Variants in MYRFL observed in about 807,000 individuals in gnomAD.
MYRFL encodes the protein myelin regulatory factor-like protein.
In MYRFL, 88 loss-of-function variants were observed where a neutral mutation model predicts 109.4. That is an observed-to-expected ratio of 0.80 (90% CI 0.68 to 0.96). The LOEUF (loss-of-function observed/expected upper bound fraction) is 0.96, where lower values mean the gene tolerates loss of function less well. MYRFL is among the 40% of genes least tolerant of loss of function. The pLI is 0.00. For missense variants in MYRFL, 957 were observed against 954.9 expected (o/e 1.00, Z -0.03); for synonymous variants, 324 against 320.9 (o/e 1.01, Z -0.10).
At chr12:69,934,110 G>C (rs1955368727) in intron 16 of MYRFL, among the ~76,000 whole-genome samples, 1 of 152,212 alleles carries the variant, frequency 6.6e-6, no homozygotes, top group South Asian at 2.1e-4. Flanking sequence ...GGAATGGGGA[G>C]ATGGAGAGTG....
chr12:69,881,029 C>T (rs78110896), intron 5 of MYRFL, among the ~76,000 whole-genome samples: 2 of 135,138 alleles, frequency 1.5e-5, no homozygotes, highest in South Asian at 4.9e-4. Context: ...AACAAAGTAG[C>T]CTTTTGAAGT....
chr12:69,882,330 C>A (rs1238931604), intron 5 of MYRFL, among the ~76,000 whole-genome samples: 1 of 152,100 alleles, frequency 6.6e-6, no homozygotes, highest in Non-Finnish European at 1.5e-5. Flanking sequence ...AAAAAAAAGA[C>A]ACAAAACAAA....
At chr12:69,857,352 T>A (rs1367406584) in intron 2 of MYRFL, among the ~76,000 whole-genome samples, 3 of 151,924 alleles carry the variant, frequency 2.0e-5, no homozygotes, top group Admixed American at 1.3e-4. Flanking sequence ...TTCTTCTGTT[T>A]CAATATTGTC....
chr12:69,853,510 C>G (rs1324960387), intron 1 of MYRFL, among the ~76,000 whole-genome samples: 1 of 150,724 alleles, frequency 6.6e-6, no homozygotes, highest in Non-Finnish European at 1.5e-5. Flanking sequence ...GCCTCACATC[C>G]CAGACGGGGC....
chr12:69,922,866 T>C (rs1021743324), intron 13 of MYRFL, among the ~76,000 whole-genome samples: 1 of 152,236 alleles, frequency 6.6e-6, no homozygotes, highest in African/African-American at 2.4e-5. Flanking sequence ...ATTGTTTCAT[T>C]AGGTGTTGGA....
chr12:69,849,176 C>T (rs1271910601), intron 1 of MYRFL, among the ~76,000 whole-genome samples: 2 of 152,208 alleles, frequency 1.3e-5, no homozygotes, highest in Admixed American at 6.5e-5. Flanking sequence ...CCAGCCAACA[C>T]TGGGTCTTAT....
At chr12:69,847,088 G>A (rs1440931154) in intron 1 of MYRFL, among the ~76,000 whole-genome samples, 1 of 152,126 alleles carries the variant, frequency 6.6e-6, no homozygotes, top group Non-Finnish European at 1.5e-5. Flanking sequence ...ATAACTAGTG[G>A]CAATCAGGAG....
intron 1 of MYRFL, among the ~76,000 whole-genome samples, chr12:69,842,227 G>C (rs183376617): frequency 3.3e-5 from 5 of 152,290 alleles, no homozygotes; most frequent in African/African-American, 4.8e-5. Context: ...GTCTTGCCCA[G>C]CTTCAGTGCA....
intron 13 of MYRFL, among the ~76,000 whole-genome samples, chr12:69,916,574 C>A (rs1725930417): frequency 6.6e-6 from 1 of 152,082 alleles, no homozygotes; most frequent in Admixed American, 6.6e-5. Flanking sequence ...TAATGATCTC[C>A]TAACTGACCT....
At chr12:69,841,327 T>C (rs1373974933) in intron 1 of MYRFL, among the ~76,000 whole-genome samples, 7 of 152,104 alleles carry the variant, frequency 4.6e-5, no homozygotes, top group Non-Finnish European at 1.0e-4. Flanking sequence ...TTTCTTACAG[T>C]CAGTCACAAA....
intron 2 of MYRFL, among the ~76,000 whole-genome samples, chr12:69,877,077 G>C (rs1001171782): frequency 1.2e-4 from 15 of 123,378 alleles, no homozygotes; most frequent in Non-Finnish European, 2.0e-4. Context: ...AGGCTGGAGT[G>C]CAGTGGCGCG....
chr12:69,926,420 T>C, intron 13 of MYRFL, 151 bp from the exon 14 acceptor site: 1 of 576,600 alleles, frequency 1.7e-6, no homozygotes, highest in Non-Finnish European at 2.6e-6. Context: ...GTTTCAAACC[T>C]CTCCAGATTT....
At chr12:69,842,463 C>A (rs886342570) in intron 1 of MYRFL, among the ~76,000 whole-genome samples, 2 of 152,076 alleles carry the variant, frequency 1.3e-5, no homozygotes, top group Non-Finnish European at 2.9e-5. Context: ...GTTCTGGATG[C>A]TTAGGATTTG....
At chr12:69,871,521 C>T (rs149678835) in intron 2 of MYRFL, among the ~76,000 whole-genome samples, 3,350 of 152,162 alleles carry the variant, frequency 0.022, 67 homozygotes, top group East Asian at 0.063. Flanking sequence ...CGTGGGCCAC[C>T]GCGCCTGGCC....
chr12:69,906,070 C>T (rs1954348703), intron 11 of MYRFL, among the ~76,000 whole-genome samples: 1 of 152,342 alleles, frequency 6.6e-6, no homozygotes, highest in South Asian at 2.1e-4. Context: ...GGATGAGCTG[C>T]TACAAAATGT....
At chr12:69,874,484 G>A (rs1885539738) in intron 2 of MYRFL, among the ~76,000 whole-genome samples, 1 of 152,096 alleles carries the variant, frequency 6.6e-6, no homozygotes. Context: ...ACCTTCAGAT[G>A]TATTTTTAAA....
intron 1 of MYRFL, among the ~76,000 whole-genome samples, chr12:69,826,513 A>T (rs901214630): frequency 1.3e-5 from 2 of 151,924 alleles, no homozygotes; most frequent in African/African-American, 4.8e-5. Context: ...AATCTACTCC[A>T]TTTCCTTCTA....
At chr12:69,913,892 G>A (rs1196605733) in intron 13 of MYRFL, among the ~76,000 whole-genome samples, 1 of 152,166 alleles carries the variant, frequency 6.6e-6, no homozygotes, top group Non-Finnish European at 1.5e-5. Context: ...TTTGGGTAGT[G>A]TTGACATTGT....
intron 2 of MYRFL, among the ~76,000 whole-genome samples, chr12:69,870,434 G>T (rs529287985): frequency 6.6e-6 from 1 of 152,150 alleles, no homozygotes; most frequent in Non-Finnish European, 1.5e-5. Flanking sequence ...TCTGGTGTTT[G>T]TCTGCTTTAT....
Sources: allele counts gnomAD v4.1 joint callset (sites outside exome capture counted in the v4.1 genomes callset), GRCh38; gene constraint gnomAD v4.1.1; transcripts MANE v1.5; gene names NCBI Gene and HGNC (gene_info 2026-07-23, HGNC 2026-07-21).